Variants in RAP1GDS1 observed in about 807,000 individuals in gnomAD.
RAP1GDS1 encodes the protein Rap1 GTPase-GDP dissociation stimulator 1.
A neutral mutation model predicts 71.1 loss-of-function variants in RAP1GDS1; 35 were observed. The ratio of observed to expected loss-of-function variants is 0.49; its 90% confidence interval spans 0.38 to 0.65. RAP1GDS1 has a LOEUF of 0.65. Ranked by LOEUF, RAP1GDS1 falls within the 30% of genes least tolerant of loss-of-function variation. The pLI is 0.00. For missense variants in RAP1GDS1, 663 were observed against 706.1 expected (o/e 0.94, Z 0.69); for synonymous variants, 229 against 243.1 (o/e 0.94, Z 0.54).
At chr4:98,408,637 A>G (rs1194956117) in intron 7 of RAP1GDS1, among the ~76,000 whole-genome samples, 1 of 152,240 alleles carries the variant, frequency 6.6e-6, no homozygotes, top group Non-Finnish European at 1.5e-5. Flanking sequence ...ACATAGATCC[A>G]AAATTCCTCC....
chr4:98,333,841 C>T (rs189670609), intron 2 of RAP1GDS1, among the ~76,000 whole-genome samples: 108 of 152,162 alleles, frequency 7.1e-4, no homozygotes, highest in African/African-American at 3.6e-4. Flanking sequence ...ACTCAGAACA[C>T]ACAGCTGTTT....
chr4:98,420,965 C>T (rs1748769783), intron 11 of RAP1GDS1, among the ~76,000 whole-genome samples: 1 of 152,162 alleles, frequency 6.6e-6, no homozygotes, highest in Non-Finnish European at 1.5e-5. Flanking sequence ...ATATTGATTG[C>T]ATAGAGTCTT....
intron 3 of RAP1GDS1, among the ~76,000 whole-genome samples, chr4:98,348,794 G>T (rs1490803581): frequency 6.6e-6 from 1 of 152,040 alleles, no homozygotes; most frequent in East Asian, 1.9e-4. Context: ...CATATCCTTC[G>T]CTCAGTTTTT....
At chr4:98,372,585 T>A (rs1366995897) in intron 4 of RAP1GDS1, among the ~76,000 whole-genome samples, 1 of 152,246 alleles carries the variant, frequency 6.6e-6, no homozygotes, top group Non-Finnish European at 1.5e-5. Flanking sequence ...ATTTAATCAA[T>A]CACCTTACTG....
rs6148589 is a variant in RAP1GDS1, at chr4:98,289,554, C to CAAAAAAAA, written c.5-3840_5-3833dup. Among the ~76,000 whole-genome samples, 509 of 101,954 alleles carry CAAAAAAAA rather than the reference C, an allele frequency of 5.0e-3. 3 individuals are homozygous for CAAAAAAAA. The highest frequency in any genetic ancestry group is 0.017 in the Middle Eastern group (3 of 174). The allele number at this position is 101,954 out of a possible 152,430, so 66.9% of individuals were successfully genotyped here. A position where few individuals can be genotyped will look rare whatever the true frequency, so the allele number is the denominator to read the frequency against. On this transcript the variant is annotated intron_variant, in intron 1 of 14. Coordinates refer to ENST00000408927, the MANE Select transcript of RAP1GDS1 (RefSeq NM_001100427.2). ...TCGGTTTAGGACCAGCTCTGGTAAA[C>CAAAAAAAA]AAAAAAAAAAAAAAAAAAAAAGAAA...
At chr4:98,416,685 T>C (rs1748079532) in intron 7 of RAP1GDS1, 60 bp from the exon 8 acceptor site, 1 of 1,482,898 alleles carries the variant, frequency 6.7e-7, no homozygotes, top group Admixed American at 1.8e-5. Context: ...AATGGACTGC[T>C]TATACCAGAG....
chr4:98,404,639 TG>T, intron 7 of RAP1GDS1, 37 bp downstream of exon 7: 1 of 1,580,242 alleles, frequency 6.3e-7, no homozygotes, highest in African/African-American at 1.4e-5. Flanking sequence ...TTTTTGATCA[TG>T]TATGCTTTAA....
chr4:98,402,389 C>G (rs1745553545), intron 6 of RAP1GDS1, among the ~76,000 whole-genome samples: 1 of 152,076 alleles, frequency 6.6e-6, no homozygotes, highest in African/African-American at 2.4e-5. Context: ...TAAATGAAAC[C>G]TCCTTTTTGG....
chr4:98,414,890 C>A (rs201166314), intron 7 of RAP1GDS1, among the ~76,000 whole-genome samples: 4 of 150,900 alleles, frequency 2.7e-5, no homozygotes, highest in African/African-American at 9.8e-5. Flanking sequence ...CTTTTATTTC[C>A]TTGAGCAGTG....
chr4:98,408,528 A>G (rs534793950), intron 7 of RAP1GDS1, among the ~76,000 whole-genome samples: 12 of 152,296 alleles, frequency 7.9e-5, no homozygotes, highest in Middle Eastern at 3.4e-3. Context: ...AAAAGGAAAT[A>G]TACTTACCAA....
In RAP1GDS1 at chr4:98,437,085, C is replaced by G; in HGVS notation, c.1696+17C>G. The G allele has an allele frequency of 6.4e-7, 1 of 1,568,020 alleles. No individual in the cohort carries two copies. ...TGGGATCTGGTAAGTATTCTTCTAT[C>G]ATTTGATGTCCATAAACATATGGTT... On this transcript the variant is annotated intron_variant, in intron 14 of 14. Coordinates refer to ENST00000408927, the MANE Select transcript of RAP1GDS1 (RefSeq NM_001100427.2).
intron 2 of RAP1GDS1, among the ~76,000 whole-genome samples, chr4:98,298,415 T>A (rs1728097837): frequency 6.6e-6 from 1 of 152,178 alleles, no homozygotes; most frequent in Non-Finnish European, 1.5e-5. Flanking sequence ...ACAGGCTGAC[T>A]CTCTTATTAG....
intron 2 of RAP1GDS1, among the ~76,000 whole-genome samples, chr4:98,330,671 G>A (rs1382250340): frequency 1.3e-5 from 2 of 151,386 alleles, no homozygotes; most frequent in African/African-American, 4.9e-5. Flanking sequence ...GATGACGGCC[G>A]GGAAGAGGCG....
intron 1 of RAP1GDS1, among the ~76,000 whole-genome samples, chr4:98,291,732 A>G (rs1468506112): frequency 6.6e-6 from 1 of 152,188 alleles, no homozygotes; most frequent in Non-Finnish European, 1.5e-5. Flanking sequence ...CTGGACAGCC[A>G]CAGGTGTAGA....
Position 98,397,267 on chromosome 4 carries a change from T to C in RAP1GDS1, c.637+5187T>C, listed in dbSNP as rs146968095. 1.9e-4 allele frequency among the ~76,000 whole-genome samples: 29 copies of C among 152,310 alleles called. No individual in the cohort carries two copies. The East Asian group carries it at 4.2e-3, about 22-fold the overall frequency. The stretch of plus-strand genomic sequence containing the variant: ...ATAGCATGAATATGGTTTTAAAGTA[T>C]GCATTCTTATTTAACATGGAATAAA... On this transcript the variant is annotated intron_variant, in intron 6 of 14. Coordinates refer to ENST00000408927, the MANE Select transcript of RAP1GDS1 (RefSeq NM_001100427.2).
chr4:98,417,615 C>T, intron 9 of RAP1GDS1, 117 bp downstream of exon 9: 1 of 937,324 alleles, frequency 1.1e-6, no homozygotes, highest in Non-Finnish European at 1.5e-6. Flanking sequence ...TGTGTATATG[C>T]TGCTAACTTA....
intron 1 of RAP1GDS1, among the ~76,000 whole-genome samples, chr4:98,271,707 G>T (rs1046617886): frequency 1.3e-5 from 2 of 152,072 alleles, no homozygotes; most frequent in Non-Finnish European, 2.9e-5. Context: ...AGTATAGGGG[G>T]CTGTATACCA....
chr4:98,308,634 T>C (rs1015092426), intron 2 of RAP1GDS1, among the ~76,000 whole-genome samples: 7 of 152,034 alleles, frequency 4.6e-5, no homozygotes, highest in Non-Finnish European at 1.0e-4. Flanking sequence ...AAGGGAACCT[T>C]TTCATAAGAA....
In RAP1GDS1 at chr4:98,401,917, AAAG is replaced by A. The variant is rs1168766127; in HGVS notation, c.638-2555_638-2553del. 2.6e-5 allele frequency among the ~76,000 whole-genome samples: 4 copies of A among 152,292 alleles called. No homozygotes were observed. In the East Asian group the frequency reaches 7.7e-4, roughly 29 times the overall value. ...AATAGAGTACCAATACTATTATTTT[AAAG>A]AAGAGTAAGAACATGTAACTAGATG... On this transcript the variant is annotated intron_variant, in intron 6 of 14. Transcript: ENST00000408927.
Sources: allele counts gnomAD v4.1 joint callset (sites outside exome capture counted in the v4.1 genomes callset), GRCh38; gene constraint gnomAD v4.1.1; transcripts MANE v1.5; gene names NCBI Gene and HGNC (gene_info 2026-07-23, HGNC 2026-07-21).